Variants in SLC4A11 observed in about 807,000 individuals in gnomAD.
SLC4A11 encodes the protein solute carrier family 4 member 11.
In SLC4A11, 74 loss-of-function variants were observed where a neutral mutation model predicts 95.0. The observed-to-expected ratio is 0.78, with a 90% CI of 0.65 to 0.95. The LOEUF (loss-of-function observed/expected upper bound fraction) is 0.95, where lower values mean the gene tolerates loss of function less well. Ranked by LOEUF, SLC4A11 falls within the 40% of genes least tolerant of loss-of-function variation. SLC4A11 has a pLI of 0.00. For missense variants in SLC4A11, 1,081 were observed against 1,192.4 expected, an observed-to-expected ratio of 0.91 and a Z score of 1.38; for synonymous variants, 548 against 519.0, an observed-to-expected ratio of 1.06 and a Z score of -0.76.
chr20:3,238,903 C>A (rs2068072032), intron 1 of SLC4A11, 192 bp downstream of exon 1: 6 of 1,255,620 alleles, frequency 4.8e-6, no homozygotes, highest in Non-Finnish European at 6.0e-6. Context: ...CGCGCGGTGG[C>A]CGCGAAGCCG....
rs1387512730 is a variant in SLC4A11 at position 3,231,465 on chromosome 20, C to G, written c.813G>C (p.Glu271Asp). 5.0e-6 allele frequency: 8 copies of G among 1,614,108 alleles called. No individual in the cohort carries two copies. In the South Asian group the frequency reaches 8.8e-5, roughly 18 times the overall value. ...CCTTGAATTCCTCCTCTGTGCGGGT[C>G]TCCAGGAGCTTCTGGCGGAAGGCGA... Reference protein sequence around the residue: ...SDIAFRQKLLETRTEEEFKEA... With the variant: ...SDIAFRQKLLDTRTEEEFKEA... The change falls in exon 8 of 20, where the codon GAG becomes GAC. Residue 271 changes from glutamate (E) to aspartate (D), a missense_variant. Around this residue, in one of 3 missense-constraint regions of SLC4A11, gnomAD observed 767 missense variants for 858.0 expected, o/e 0.89. Coordinates refer to ENST00000642402, the MANE Select transcript of SLC4A11 (RefSeq NM_001174089.2). This position sits in a 1 kb window ranked among gnomAD's most constrained non-coding sequence, Gnocchi z 5.2.
At chr20:3,237,480 C>A (rs1442304425) in intron 2 of SLC4A11, 64 bp downstream of exon 2, 3 of 1,532,180 alleles carry the variant, frequency 2.0e-6, no homozygotes, top group Admixed American at 1.7e-5. Context: ...GTAGGCTATG[C>A]ACCCTGGAGG....
At position 3,233,111 on chromosome 20, in the gene SLC4A11, C is replaced by T. The variant is rs113900807; in HGVS notation, c.729+403G>A. Among the ~76,000 whole-genome samples, 648 of 152,222 alleles carry T rather than the reference C, an allele frequency of 4.3e-3. 10 individuals are homozygous for T. Among genetic ancestry groups the T allele is most frequent in the African/African-American group, 0.015 (619 of 41,542 alleles). ...TAAATCCTTTTCCTTAAAAGACTCC[C>T]GAAATTGTATCAGTTCCGGCTCCCA... On this transcript the variant is annotated intron_variant, in intron 7 of 19. Transcript: ENST00000642402.
intron 2 of SLC4A11, among the ~76,000 whole-genome samples, chr20:3,235,925 A>G (rs1163829082): frequency 1.3e-5 from 2 of 151,998 alleles, no homozygotes; most frequent in Non-Finnish European, 2.9e-5. Context: ...CTCCTCCAGG[A>G]AGTCCTCCTA....
At chr20:3,235,351 A>G (rs1375037568) in intron 2 of SLC4A11, among the ~76,000 whole-genome samples, 1 of 135,968 alleles carries the variant, frequency 7.4e-6, no homozygotes, top group Non-Finnish European at 1.6e-5. Context: ...ACACACACAC[A>G]CACGCTGCCT....
intron 10 of SLC4A11, 44 bp from the exon 11 acceptor site, chr20:3,230,889 C>T (rs1315174721): frequency 3.1e-6 from 5 of 1,613,302 alleles, no homozygotes; most frequent in Non-Finnish European, 4.2e-6. Flanking sequence ...GCCCAGGGCC[C>T]AGCCCAGCAT....
chr20:3,235,309 TCACACACACACACACACACACACA>T (rs58744452), intron 2 of SLC4A11, among the ~76,000 whole-genome samples: 4 of 123,614 alleles, frequency 3.2e-5, no homozygotes, highest in South Asian at 2.8e-4. Flanking sequence ...TCTCTCTCTC[TCACACACACACACACACACACACA>T]CACACACACA....
intron 2 of SLC4A11, among the ~76,000 whole-genome samples, chr20:3,236,566 G>A (rs981720956): frequency 6.7e-6 from 1 of 150,126 alleles, no homozygotes; most frequent in Non-Finnish European, 1.5e-5. Context: ...TCCAGCCTGG[G>A]CGACAGAGCG....
intron 1 of SLC4A11, 135 bp from the exon 2 acceptor site, chr20:3,237,723 G>T (rs1344556663): frequency 6.2e-7 from 1 of 1,613,954 alleles, no homozygotes. Context: ...ACCCTAGGGA[G>T]AAAGGGAAGC....
chr20:3,235,305 TCTCTCACA>T (rs1344267087), intron 2 of SLC4A11, among the ~76,000 whole-genome samples: 1,623 of 109,558 alleles, frequency 0.015, 14 homozygotes, highest in South Asian at 0.046. Flanking sequence ...TCTCTCTCTC[TCTCTCACA>T]CACACACACA....
intron 1 of SLC4A11, chr20:3,237,863 G>T: frequency 6.4e-7 from 1 of 1,551,732 alleles, no homozygotes; most frequent in South Asian, 1.2e-5. Context: ...ACGTTCCAGG[G>T]ATGTCTTCCC....
In SLC4A11 at chr20:3,234,074, C is replaced by A. The variant is rs200962876; in HGVS notation, c.523+9G>T. On this transcript the variant is annotated intron_variant, in intron 5 of 19. Transcript: ENST00000642402. This position sits in a 1 kb window ranked among gnomAD's most constrained non-coding sequence, Gnocchi z 5.8. Reference sequence around the variant, plus strand: ...AACGCCCCCGCCCGGGCCGGGAGACCGGCCTCACCTTTACCCCGCATGGGT... The same window carrying A: ...AACGCCCCCGCCCGGGCCGGGAGACAGGCCTCACCTTTACCCCGCATGGGT... The A allele has an allele frequency of 1.2e-6, 2 of 1,613,786 alleles. No homozygotes were observed. The highest frequency in any genetic ancestry group is 1.7e-5 in the Admixed American group (1 of 60,030).
intron 7 of SLC4A11, 129 bp downstream of exon 7, chr20:3,233,385 A>C: frequency 1.4e-6 from 2 of 1,386,778 alleles, no homozygotes; most frequent in Non-Finnish European, 2.0e-6. Context: ...ACACACCCAC[A>C]GGGCCGAGGC....
Position 3,234,066 on chromosome 20 carries a change from C to A in SLC4A11, c.523+17G>T, listed in dbSNP as rs544741705. The A allele has an allele frequency of 1.2e-6, 2 of 1,613,592 alleles. No homozygotes were observed. The highest frequency in any genetic ancestry group is 2.7e-5 in the African/African-American group (2 of 74,938). On this transcript the variant is annotated intron_variant, in intron 5 of 19. Coordinates refer to ENST00000642402, the MANE Select transcript of SLC4A11 (RefSeq NM_001174089.2). The surrounding 1 kb of genome is among the most constrained non-coding windows in gnomAD (Gnocchi z 5.8). ...CCCCTCCCAACGCCCCCGCCCGGGC[C>A]GGGAGACCGGCCTCACCTTTACCCC... is the stretch of plus-strand genomic sequence containing the variant.
rs2067772752 is a variant in SLC4A11 at position 3,231,390 on chromosome 20, T to C, written c.888A>G (p.Pro296=). The C allele has an allele frequency of 1.7e-5, 28 of 1,614,092 alleles. No individual in the cohort carries two copies. Among genetic ancestry groups the C allele is most frequent in the Non-Finnish European group, 2.4e-5 (28 of 1,180,008 alleles). ...TGCGTTCCTTCGTTCTCGGCGCCAC[T>C]GGACCGTGGCTCACCATGGTGAGCA... ...RQLLTMVSHG[P]VAPRTKERST... The change falls in exon 8 of 20, where the codon CCA becomes CCG. Residue 296 remains proline, a synonymous_variant. Transcript: ENST00000642402. This position sits in a 1 kb window ranked among gnomAD's most constrained non-coding sequence, Gnocchi z 5.2.
chr20:3,239,181 C>A lies in SLC4A11; in HGVS notation c.-44G>T. ...CGGCCGGGCTCCTCACGCGGCGCTC[C>A]GGCGCTTCTGGACCCCAAACTCGGC... On this transcript the variant is annotated 5_prime_UTR_variant, in exon 1 of 20. Coordinates refer to ENST00000642402, the MANE Select transcript of SLC4A11 (RefSeq NM_001174089.2). 1 of 1,427,390 alleles carries A rather than the reference C, an allele frequency of 7.0e-7. No homozygotes were observed. The highest frequency in any genetic ancestry group is 9.2e-7 in the Non-Finnish European group (1 of 1,090,822). The allele number at this position is 1,427,390 out of a possible 1,614,324, so 88.4% of individuals were successfully genotyped here.
chr20:3,230,860 A>G lies in SLC4A11; in HGVS notation c.1169-15T>C, dbSNP rs897618445. The G allele has an allele frequency of 6.2e-7, 1 of 1,612,990 alleles. No individual in the cohort carries two copies. The highest frequency in any genetic ancestry group is 1.7e-5 in the Admixed American group (1 of 59,982). On this transcript the variant is annotated splice_polypyrimidine_tract_variant and intron_variant, in intron 10 of 19. Transcript: ENST00000642402. ...CTTCTGCACGTCTGTGGGGGTGCGG[A>G]GGTCAGGTGGGCGCCGCAGCCCAGG... is the stretch of plus-strand genomic sequence containing the variant.
Position 3,237,591 on chromosome 20 carries a change from G to C in SLC4A11, c.44-3C>G. The C allele has an allele frequency of 1.9e-6, 3 of 1,614,038 alleles. No individual in the cohort carries two copies. The highest frequency in any genetic ancestry group is 2.5e-6 in the Non-Finnish European group (3 of 1,180,018). ...CTGCGACATGGTGGGAGAGTTTTCTGCAAGGGAAGCAGAAAGGTCACCAGC... is the reference window on the plus strand; with the variant it reads ...CTGCGACATGGTGGGAGAGTTTTCTCCAAGGGAAGCAGAAAGGTCACCAGC... On this transcript the variant is annotated splice_polypyrimidine_tract_variant and splice_region_variant and intron_variant, in intron 1 of 19. Transcript: ENST00000642402.
In SLC4A11 at chr20:3,231,929, A is replaced by T. The variant is rs546397298; in HGVS notation, c.730-381T>A. On this transcript the variant is annotated intron_variant, in intron 7 of 19. Coordinates refer to ENST00000642402, the MANE Select transcript of SLC4A11 (RefSeq NM_001174089.2). This position sits in a 1 kb window ranked among gnomAD's most constrained non-coding sequence, Gnocchi z 5.2. ...TGTCTAGGCCTCCCAAAGTGCTGGG[A>T]TTACAGGCACGAGCCACTGTGCCCA... Among the ~76,000 whole-genome samples the T allele has an allele frequency of 6.6e-6, 1 of 152,302 alleles. No homozygotes were observed. The highest frequency in any genetic ancestry group is 1.5e-5 in the Non-Finnish European group (1 of 68,012).
Sources: allele counts gnomAD v4.1 joint callset (sites outside exome capture counted in the v4.1 genomes callset), GRCh38; gene constraint gnomAD v4.1.1; regional missense constraint gnomAD v4.1.1; non-coding constraint Gnocchi (gnomAD v3.1); transcripts MANE v1.5; gene names NCBI Gene and HGNC (gene_info 2026-07-23, HGNC 2026-07-21).